The following NRG3 variants were observed in gnomAD, a reference collection of about 807,000 sequenced individuals.
The protein encoded by NRG3 is pro-neuregulin-3, membrane-bound isoform.
In NRG3, 31 loss-of-function variants were observed where a neutral mutation model predicts 66.9. That is an observed-to-expected ratio of 0.46 (90% CI 0.35 to 0.63). NRG3 has a LOEUF of 0.63. NRG3 is among the 20% of genes least tolerant of loss of function. NRG3 has a pLI of 0.00. For missense variants in NRG3, 910 were observed against 878.9 expected (o/e 1.04, Z -0.45); for synonymous variants, 393 against 359.4 (o/e 1.09, Z -1.06).
chr10:82,635,409 A>C (rs2050121710), intron 2 of NRG3, among the ~76,000 whole-genome samples: 1 of 152,186 alleles, frequency 6.6e-6, no homozygotes. Context: ...TTCTGTAAGA[A>C]TACATGCCCA....
At chr10:81,986,883 C>G (rs1321799494) in intron 1 of NRG3, among the ~76,000 whole-genome samples, 1 of 152,062 alleles carries the variant, frequency 6.6e-6, no homozygotes, top group Non-Finnish European at 1.5e-5. Flanking sequence ...GTACTCATTA[C>G]ATTTCCCAGG....
chr10:82,739,531 C>T (rs569678079), intron 3 of NRG3, among the ~76,000 whole-genome samples: 37 of 152,184 alleles, frequency 2.4e-4, no homozygotes, highest in Non-Finnish European at 4.9e-4. Flanking sequence ...GTCGCCCTGC[C>T]TGTGTCTGTG....
chr10:82,822,971 G>A (rs2062018457), intron 3 of NRG3, among the ~76,000 whole-genome samples: 1 of 152,190 alleles, frequency 6.6e-6, no homozygotes, highest in Non-Finnish European at 1.5e-5. Flanking sequence ...GGCTAACTAG[G>A]ATAACAATTC....
chr10:82,154,065 T>G (rs75591359), intron 1 of NRG3, among the ~76,000 whole-genome samples: 3,345 of 152,104 alleles, frequency 0.022, 120 homozygotes, highest in African/African-American at 0.076. Flanking sequence ...ATGCAAAAAG[T>G]TTTTAGTTTG....
intron 4 of NRG3, among the ~76,000 whole-genome samples, chr10:82,949,425 TGATGAGAAGC>T (rs1849312185): frequency 6.6e-6 from 1 of 152,016 alleles, no homozygotes; most frequent in Non-Finnish European, 1.5e-5. Flanking sequence ...TAATTTTCAG[TGATGAGAAGC>T]CCCCGAGATG....
chr10:82,171,576 T>C (rs2072612656), intron 1 of NRG3, among the ~76,000 whole-genome samples: 1 of 152,048 alleles, frequency 6.6e-6, no homozygotes, highest in South Asian at 2.1e-4. Context: ...CAGCTGCGAG[T>C]ATTACAGTTC....
chr10:82,689,147 T>G (rs1233374171), intron 2 of NRG3, among the ~76,000 whole-genome samples: 1 of 152,180 alleles, frequency 6.6e-6, no homozygotes, highest in Admixed American at 6.5e-5. Context: ...TGGTCAAATG[T>G]TGGCAGTTTC....
intron 1 of NRG3, among the ~76,000 whole-genome samples, chr10:82,343,507 T>G (rs1373042196): frequency 6.6e-6 from 1 of 152,088 alleles, no homozygotes; most frequent in African/African-American, 2.4e-5. Flanking sequence ...TTGATTACAT[T>G]ACCAATGTCA....
intron 2 of NRG3, among the ~76,000 whole-genome samples, chr10:82,716,743 T>C (rs778874381): frequency 6.6e-6 from 1 of 152,134 alleles, no homozygotes; most frequent in African/African-American, 2.4e-5. Context: ...TCTAATAACA[T>C]CATAGGAAGC....
intron 1 of NRG3, among the ~76,000 whole-genome samples, chr10:81,993,472 G>T (rs2060818030): frequency 6.6e-6 from 1 of 151,960 alleles, no homozygotes; most frequent in African/African-American, 2.4e-5. Flanking sequence ...TTAGCCTCCT[G>T]AGTAGGTGGG....
At chr10:81,954,431 G>C (rs1322096089) in intron 1 of NRG3, among the ~76,000 whole-genome samples, 1 of 152,118 alleles carries the variant, frequency 6.6e-6, no homozygotes, top group East Asian at 1.9e-4. Flanking sequence ...TCACTCTCTA[G>C]TGATTCAAAT....
intron 1 of NRG3, among the ~76,000 whole-genome samples, chr10:81,938,040 C>A (rs1848047263): frequency 6.6e-6 from 1 of 151,988 alleles, no homozygotes; most frequent in Admixed American, 6.6e-5. Flanking sequence ...TGTTGAATAT[C>A]ATTTGGTCAT....
chr10:82,518,751 GA>G (rs1424910767), intron 2 of NRG3, among the ~76,000 whole-genome samples: 2 of 152,082 alleles, frequency 1.3e-5, no homozygotes, highest in East Asian at 3.9e-4. Flanking sequence ...AGGGTGGTCT[GA>G]ATGGGCAATT....
chr10:82,046,247 G>A (rs548641556), intron 1 of NRG3, among the ~76,000 whole-genome samples: 3 of 116,638 alleles, frequency 2.6e-5, no homozygotes, highest in African/African-American at 9.2e-5. Flanking sequence ...ATTTCCTTGA[G>A]CAGTGGTTTG....
chr10:82,186,897 G>A (rs2073842430), intron 1 of NRG3, among the ~76,000 whole-genome samples: 2 of 152,032 alleles, frequency 1.3e-5, no homozygotes, highest in Admixed American at 6.6e-5. Context: ...GTAACACAGG[G>A]AATCCCACTT....
intron 1 of NRG3, among the ~76,000 whole-genome samples, chr10:82,311,822 A>G (rs557808109): frequency 6.2e-4 from 95 of 152,158 alleles, no homozygotes; most frequent in Non-Finnish European, 9.3e-4. Flanking sequence ...GCCCACAATC[A>G]TTCAAGTAGT....
chr10:82,862,180 G>A (rs776640024), intron 3 of NRG3, among the ~76,000 whole-genome samples: 2 of 152,122 alleles, frequency 1.3e-5, no homozygotes, highest in African/African-American at 2.4e-5. Flanking sequence ...CGGTCCTACC[G>A]AATACCAACA....
chr10:82,920,740 G>A (rs1846347220), intron 4 of NRG3, among the ~76,000 whole-genome samples: 1 of 152,020 alleles, frequency 6.6e-6, no homozygotes, highest in African/African-American at 2.4e-5. Flanking sequence ...CAATGATATG[G>A]GCATGTCATA....
At chr10:82,234,635 A>G (rs189232240) in intron 1 of NRG3, among the ~76,000 whole-genome samples, 68 of 152,364 alleles carry the variant, frequency 4.5e-4, no homozygotes, top group African/African-American at 1.6e-3. Flanking sequence ...TTTATTCAAA[A>G]TAGAGCAATC....
Sources: gnomAD v4.1 joint callset for allele counts (sites outside exome capture counted in the v4.1 genomes callset) on GRCh38, gnomAD v4.1.1 for gene constraint, MANE v1.5 for transcripts, NCBI Gene and HGNC (gene_info 2026-07-23, HGNC 2026-07-21) for gene names.